Variants in FRY observed in about 807,000 individuals in gnomAD.
FRY encodes the protein protein furry homolog.
In FRY, 128 loss-of-function variants were observed where a neutral mutation model predicts 348.4. The ratio of observed to expected loss-of-function variants is 0.37; its 90% CI spans 0.32 to 0.43. The LOEUF is 0.43. FRY is among the 20% of genes least tolerant of loss of function. The pLI, the probability that FRY is intolerant of heterozygous loss-of-function variation, is 1.00. For synonymous variants in FRY, 1,370 were observed against 1,374.7 expected, an observed-to-expected ratio of 1.00 and a Z score of 0.08; for missense variants, 2,736 against 3,695.2, an observed-to-expected ratio of 0.74 and a Z score of 6.73.
intron 31 of FRY, among the ~76,000 whole-genome samples, chr13:32,207,038 T>A (rs1381183211): frequency 6.6e-6 from 1 of 152,176 alleles, no homozygotes; most frequent in East Asian, 1.9e-4. Flanking sequence ...CCCTTGACTG[T>A]CCAGGAGCTA....
intron 1 of FRY, among the ~76,000 whole-genome samples, chr13:32,075,193 G>GT (rs1874965222): frequency 6.6e-6 from 1 of 152,022 alleles, no homozygotes; most frequent in Non-Finnish European, 1.5e-5. Flanking sequence ...TACACCAAAA[G>GT]TTTTTTTAGT....
intron 7 of FRY, among the ~76,000 whole-genome samples, chr13:32,130,792 A>G (rs1879310011): frequency 6.6e-6 from 1 of 150,524 alleles, no homozygotes. Context: ...CCTTTTAGAT[A>G]TAATTTAAAT....
At position 32,054,717 on chromosome 13, in the gene FRY, C is replaced by T. The variant is rs140640681; in HGVS notation, c.70+22852C>T. 4.1e-3 allele frequency among the ~76,000 whole-genome samples: 626 copies of T among 152,148 alleles called. 8 individuals are homozygous for T. Among genetic ancestry groups the T allele is most frequent in the African/African-American group, 0.014 (598 of 41,532 alleles). On this transcript the variant is annotated intron_variant, in intron 1 of 60. Transcript: ENST00000542859. ...TGAGACCCCGTCTCTACTAAAAATACAAAAGAAATTAGCCGGGCATGGTGG... is the reference window on the plus strand; with the variant it reads ...TGAGACCCCGTCTCTACTAAAAATATAAAAGAAATTAGCCGGGCATGGTGG...
At chr13:32,174,251 C>T (rs1566111342) in intron 19 of FRY, among the ~76,000 whole-genome samples, 1 of 152,182 alleles carries the variant, frequency 6.6e-6, no homozygotes, top group Non-Finnish European at 1.5e-5. Context: ...GGTTTTGTAA[C>T]ACTTGACATA....
At chr13:32,193,793 G>T (rs1241543441) in intron 28 of FRY, among the ~76,000 whole-genome samples, 3 of 151,908 alleles carry the variant, frequency 2.0e-5, no homozygotes, top group African/African-American at 7.3e-5. Context: ...TCACCATGTT[G>T]GCCAGGCTGG....
At chr13:32,116,514 A>T (rs1165915428) in intron 3 of FRY, among the ~76,000 whole-genome samples, 1 of 152,156 alleles carries the variant, frequency 6.6e-6, no homozygotes, top group Non-Finnish European at 1.5e-5. Context: ...GACTTTGCTT[A>T]TGGGGCCGTA....
In FRY at chr13:32,171,088, G is replaced by C; in HGVS notation, c.1969G>C (p.Asp657His). 4.3e-6 allele frequency: 7 copies of C among 1,612,746 alleles called. No homozygotes were observed. Among genetic ancestry groups the C allele is most frequent in the Non-Finnish European group, 5.9e-6 (7 of 1,178,790 alleles). Residue 657 changes from aspartate to histidine, a missense_variant, in exon 18 of 61, where the codon GAT becomes CAT. By Grantham distance (81) the Asp-to-His change is moderately conservative. Coordinates refer to ENST00000542859, the MANE Select transcript of FRY (RefSeq NM_023037.3). ...TCAGGGTTTACTTGTTGACTTCTCA[G>C]ATTGGAGGGAAGATGTACTATTTGG... ...SLQGLLVDFS[D>H]WREDVLFGFT...
intron 11 of FRY, among the ~76,000 whole-genome samples, chr13:32,141,041 A>G (rs559047142): frequency 4.6e-5 from 7 of 152,324 alleles, no homozygotes; most frequent in Non-Finnish European, 7.4e-5. Context: ...CCGCTTTACT[A>G]TTAATCTCAT....
Position 32,296,978 on chromosome 13 carries a change from G to C in FRY, c.*1518G>C, listed in dbSNP as rs2072072615. 1.3e-5 allele frequency: 2 copies of C among 152,340 alleles called. No individual in the cohort carries two copies. Among genetic ancestry groups the C allele is most frequent in the Non-Finnish European group, 2.9e-5 (2 of 68,032 alleles). The allele number at this position is 152,340 out of a possible 1,614,324, so 9.4% of individuals were successfully genotyped here. On this transcript the variant is annotated 3_prime_UTR_variant, in exon 61 of 61. Transcript: ENST00000542859. Reference sequence around the variant, plus strand: ...TTAATTCTATAGTGAGCAGGAAAAAGTAGTAGAGTTGTAATTCTGTCACCA... The same window carrying C: ...TTAATTCTATAGTGAGCAGGAAAAACTAGTAGAGTTGTAATTCTGTCACCA...
chr13:32,149,432 C>G (rs1314837600), intron 13 of FRY, among the ~76,000 whole-genome samples: 1 of 142,550 alleles, frequency 7.0e-6, no homozygotes, highest in Non-Finnish European at 1.5e-5. Context: ...TCTTTATAAG[C>G]CCAGATACCC....
Position 32,202,073 on chromosome 13 carries a change from A to G in FRY, c.3846+33A>G, listed in dbSNP as rs544686202. The G allele has an allele frequency of 1.4e-5, 17 of 1,198,106 alleles. No homozygotes were observed. The African/African-American group carries it at 2.1e-4, about 15-fold the overall frequency. The allele number at this position is 1,198,106 out of a possible 1,614,324, so 74.2% of individuals were successfully genotyped here. On this transcript the variant is annotated intron_variant, in intron 30 of 60. Transcript: ENST00000542859. ...TCATTTACTGGCATAGAAAATATCC[A>G]TCCTTGAGTACAGAAAATAGAAATG...
chr13:32,065,963 A>G (rs1283715726), intron 1 of FRY, among the ~76,000 whole-genome samples: 1 of 152,180 alleles, frequency 6.6e-6, no homozygotes, highest in Non-Finnish European at 1.5e-5. Context: ...ATTGAACCCC[A>G]TATAATCAGT....
chr13:32,202,585 A>G (rs764101534), intron 31 of FRY, 58 bp downstream of exon 31: 9 of 1,293,266 alleles, frequency 7.0e-6, no homozygotes, highest in African/African-American at 1.5e-5. Context: ...GACGTATGTG[A>G]TCATTTCTAA....
At chr13:32,136,708 G>A (rs1203897630) in intron 10 of FRY, among the ~76,000 whole-genome samples, 163 bp from the exon 11 acceptor site, 1 of 152,176 alleles carries the variant, frequency 6.6e-6, no homozygotes, top group Non-Finnish European at 1.5e-5. Flanking sequence ...TGAAATGCGC[G>A]CCAGTGCCCT....
rs891847053 is a variant in FRY, at chr13:32,157,129, A to T, written c.1652-144A>T. On this transcript the variant is annotated intron_variant, in intron 15 of 60. Coordinates refer to ENST00000542859, the MANE Select transcript of FRY (RefSeq NM_023037.3). ...AGGCACTATGCTAAAAGCTGTGCAG[A>T]TGAGATTGAATCAGACAGCCCTTTT... The T allele has an allele frequency of 8.4e-6, 6 of 717,496 alleles. No homozygotes were observed. The South Asian group carries it at 9.4e-5, about 11-fold the overall frequency. The allele number at this position is 717,496 out of a possible 1,614,324, so 44.4% of individuals were successfully genotyped here.
At chr13:32,097,840 T>A (rs1012211362) in intron 2 of FRY, among the ~76,000 whole-genome samples, 2 of 152,012 alleles carry the variant, frequency 1.3e-5, no homozygotes, top group Non-Finnish European at 1.5e-5. Context: ...AAATAGATAA[T>A]GATAATGTTT....
rs941069204 is a variant in FRY, at chr13:32,282,461, G to A, written c.8469+3913G>A. Among the ~76,000 whole-genome samples the A allele has an allele frequency of 3.9e-5, 6 of 152,110 alleles. No individual in the cohort carries two copies. The East Asian group carries it at 5.8e-4, about 15-fold the overall frequency. On this transcript the variant is annotated intron_variant, in intron 58 of 60. Transcript: ENST00000542859. Reference sequence around the variant, plus strand: ...TTCATGAAAGGATTAGTGCTTACCCGACTAAACCTAGCAAAGTAAATTCTT... The same window carrying A: ...TTCATGAAAGGATTAGTGCTTACCCAACTAAACCTAGCAAAGTAAATTCTT...
intron 3 of FRY, among the ~76,000 whole-genome samples, chr13:32,109,218 G>C (rs189891402): frequency 2.0e-5 from 3 of 152,278 alleles, no homozygotes; most frequent in Admixed American, 2.0e-4. Context: ...GCATGATTTG[G>C]AGCGATTTCC....
chr13:32,185,458 A>G (rs1426532124), intron 26 of FRY, among the ~76,000 whole-genome samples: 1 of 152,246 alleles, frequency 6.6e-6, no homozygotes. Context: ...GAACATTCAC[A>G]CAGGCTTCAT....
Sources: allele counts gnomAD v4.1 joint callset (sites outside exome capture counted in the v4.1 genomes callset), GRCh38; gene constraint gnomAD v4.1.1; transcripts MANE v1.5; gene names NCBI Gene and HGNC (gene_info 2026-07-23, HGNC 2026-07-21).